Variants in EMID1 observed in about 807,000 individuals in gnomAD.
EMID1 encodes EMI domain containing 1.
Under a neutral mutation model 60.6 loss-of-function variants are expected in EMID1, and 40 were observed. That is an observed-to-expected ratio of 0.66 (90% CI 0.51 to 0.86). The LOEUF (loss-of-function observed/expected upper bound fraction) is 0.86. EMID1 is among the 40% of genes least tolerant of loss of function. The probability of loss-of-function intolerance (pLI) is 0.00; values close to 1 mark genes in which losing one functional copy is unlikely to be tolerated. For missense variants in EMID1, 585 were observed against 597.1 expected, an observed-to-expected ratio of 0.98 and a Z score of 0.21; for synonymous variants, 242 against 231.0, an observed-to-expected ratio of 1.05 and a Z score of -0.43.
At chr22:29,213,731 G>T (rs1356913204) in intron 1 of EMID1, among the ~76,000 whole-genome samples, 4 of 152,152 alleles carry the variant, frequency 2.6e-5, no homozygotes, top group Non-Finnish European at 5.9e-5. Flanking sequence ...ACCCTTCTCA[G>T]CCTGGGTCCC....
At chr22:29,238,803 T>C (rs2041056046) in intron 12 of EMID1, among the ~76,000 whole-genome samples, 1 of 140,312 alleles carries the variant, frequency 7.1e-6, no homozygotes, top group Admixed American at 7.0e-5. Flanking sequence ...AGTGATCCTC[T>C]TGCCTTGGCC....
chr22:29,238,216 G>A (rs2041025134), intron 12 of EMID1, among the ~76,000 whole-genome samples: 1 of 138,070 alleles, frequency 7.2e-6, no homozygotes, highest in Non-Finnish European at 1.5e-5. Flanking sequence ...TTTCTTTTCA[G>A]TATTTTTTTA....
At chr22:29,222,160 C>T (rs2040323244) in intron 3 of EMID1, among the ~76,000 whole-genome samples, 1 of 152,170 alleles carries the variant, frequency 6.6e-6, no homozygotes, top group East Asian at 1.9e-4. Flanking sequence ...GTGGCACAAT[C>T]ACAGCTCACT....
chr22:29,236,326 T>C (rs1482259945), intron 12 of EMID1, among the ~76,000 whole-genome samples: 2 of 151,758 alleles, frequency 1.3e-5, no homozygotes, highest in East Asian at 3.9e-4. Context: ...AGCCCAGGAG[T>C]TTAAGGTGAC....
In EMID1 at chr22:29,233,631, G is replaced by A; in HGVS notation, c.931G>A (p.Gly311Ser). 1 of 1,613,910 alleles carries A rather than the reference G, an allele frequency of 6.2e-7. No individual in the cohort carries two copies. Among genetic ancestry groups the A allele is most frequent in the Non-Finnish European group, 8.5e-7 (1 of 1,179,824 alleles). ...PGPMGPPGPP[G>S]PTGVPGSPGH... is the part of the protein sequence containing the mutation. ...TTTTCCAGGTCCCCCTGGGCCTCCTGGCCCCACAGGTGTCCCTGGGAGTCC... is the reference window on the plus strand; with the variant it reads ...TTTTCCAGGTCCCCCTGGGCCTCCTAGCCCCACAGGTGTCCCTGGGAGTCC... Residue 311 changes from glycine to serine, a missense_variant, in exon 10 of 15, where the codon GGC becomes AGC. Gly to Ser is a moderately conservative substitution (Grantham distance 56, BLOSUM62 0). Transcript: ENST00000334018.
Position 29,234,327 on chromosome 22 carries a change from C to G in EMID1, c.1052C>G (p.Pro351Arg). The change falls in exon 12 of 15, where the codon CCC becomes CGC. Residue 351 changes from proline (P) to arginine (R), a missense_variant. Coordinates refer to ENST00000334018, the MANE Select transcript of EMID1 (RefSeq NM_133455.4). ...GERGLRGEPG[P>R]QGSAGQRGEP... ...CAGGGACTGCGTGGGGAGCCTGGCC[C>G]CCAAGGCTCTGCTGGGCAGCGGGTA... 1.2e-6 allele frequency: 2 copies of G among 1,614,052 alleles called. No individual in the cohort carries two copies. The highest frequency in any genetic ancestry group is 2.2e-5 in the East Asian group (1 of 44,884).
At chr22:29,216,593 T>G in intron 3 of EMID1, 1 of 985,464 alleles carries the variant, frequency 1.0e-6, no homozygotes, top group Non-Finnish European at 1.2e-6. Context: ...ATGTAGCCTC[T>G]GACTCAAAGG....
chr22:29,207,913 TA>T (rs1474285077), intron 1 of EMID1, among the ~76,000 whole-genome samples: 1 of 152,170 alleles, frequency 6.6e-6, no homozygotes, highest in Non-Finnish European at 1.5e-5. Flanking sequence ...GATTAGGAGT[TA>T]GGGGCTCCAG....
chr22:29,255,383 A>C, intron 14 of EMID1: 2 of 1,433,568 alleles, frequency 1.4e-6, no homozygotes. Context: ...GCGGGCAGGC[A>C]GGGGCAGCCT....
chr22:29,246,599 G>A (rs76240620), intron 13 of EMID1, among the ~76,000 whole-genome samples: 6,572 of 152,196 alleles, frequency 0.043, 298 homozygotes, highest in East Asian at 0.14. Context: ...ACCAGGAGAA[G>A]CAAGCAGGCT....
chr22:29,247,873 C>T (rs1346829544), intron 13 of EMID1, among the ~76,000 whole-genome samples: 1 of 151,796 alleles, frequency 6.6e-6, no homozygotes, highest in East Asian at 1.9e-4. Flanking sequence ...TCAAGTGATC[C>T]GCCCACCTCA....
Position 29,225,202 on chromosome 22 carries a change from C to T in EMID1, c.389C>T (p.Pro130Leu). ...ACCATGCGGCGGATGGCGCTTCGGC[C>T]CACAGCCTTCTCAGGTGGGTCCTGG... ...GSTMRRMALRPTAFSGCLNCS... is the reference protein window; with the variant it reads ...GSTMRRMALRLTAFSGCLNCS... The change falls in exon 4 of 15, where the codon CCC (proline) becomes CTC (leucine). Residue 130 changes from proline to leucine, a missense_variant. Physicochemically the swap from Pro to Leu is moderately conservative, Grantham distance 98 (BLOSUM62 -3). Transcript: ENST00000334018. The T allele has an allele frequency of 6.2e-7, 1 of 1,613,814 alleles. No individual in the cohort carries two copies. The highest frequency in any genetic ancestry group is 8.5e-7 in the Non-Finnish European group (1 of 1,179,992).
chr22:29,247,633 T>A (rs1445239874), intron 13 of EMID1, among the ~76,000 whole-genome samples: 3 of 152,200 alleles, frequency 2.0e-5, no homozygotes, highest in African/African-American at 7.2e-5. Flanking sequence ...TTTGGAGCTT[T>A]TTTGTTTGTT....
intron 3 of EMID1, among the ~76,000 whole-genome samples, chr22:29,222,013 T>C (rs1298329597): frequency 6.6e-6 from 1 of 152,226 alleles, no homozygotes; most frequent in Non-Finnish European, 1.5e-5. Flanking sequence ...GGAGAAACGC[T>C]GAAAACAAAC....
chr22:29,211,075 G>A (rs2039863808), intron 1 of EMID1, among the ~76,000 whole-genome samples: 1 of 152,184 alleles, frequency 6.6e-6, no homozygotes, highest in African/African-American at 2.4e-5. Context: ...GCGTCCATGC[G>A]AGAGGGCATG....
chr22:29,254,853 A>G (rs568054575), intron 14 of EMID1: 158 of 168,212 alleles, frequency 9.4e-4, no homozygotes, highest in Non-Finnish European at 1.8e-3. Context: ...AGCTAGGCTC[A>G]GGCCCCAGGG....
intron 12 of EMID1, among the ~76,000 whole-genome samples, chr22:29,240,803 C>A (rs975929741): frequency 1.2e-4 from 19 of 152,346 alleles, no homozygotes; most frequent in African/African-American, 4.3e-4. Context: ...AGCCTCCATA[C>A]TTGTGTTGGC....
rs374949058 is a variant in EMID1, at chr22:29,239,761, CT to C, written c.1075-3670del. ...TGGAGTCCTATGATTAGATCTCAGT[CT>C]TTTTTTTTTTTTTGAGACAGAGTCT... is the stretch of plus-strand genomic sequence containing the variant. On this transcript the variant is annotated intron_variant, in intron 12 of 14. Coordinates refer to ENST00000334018, the MANE Select transcript of EMID1 (RefSeq NM_133455.4). Among the ~76,000 whole-genome samples, 561 of 143,286 alleles carry C rather than the reference CT, an allele frequency of 3.9e-3. 7 individuals carry two copies. The highest frequency in any genetic ancestry group is 0.014 in the Middle Eastern group (4 of 284). 94.0% of individuals were successfully genotyped at this position (143,286 alleles called of 152,430 possible).
intron 8 of EMID1, 80 bp downstream of exon 8, chr22:29,232,482 T>A: frequency 7.0e-7 from 1 of 1,422,208 alleles, no homozygotes; most frequent in Non-Finnish European, 9.3e-7. Flanking sequence ...ATCTGCCACG[T>A]GCCTTCTGTG....
Sources: allele counts gnomAD v4.1 joint callset (sites outside exome capture counted in the v4.1 genomes callset), GRCh38; gene constraint gnomAD v4.1.1; transcripts MANE v1.5; gene names NCBI Gene and HGNC (gene_info 2026-07-23, HGNC 2026-07-21).